NPAS3: variants seen among roughly 807,000 people sequenced by gnomAD.
The protein encoded by NPAS3 is neuronal PAS domain-containing protein 3.
A neutral mutation model predicts 73.1 loss-of-function variants in NPAS3; 14 were observed. The observed-to-expected ratio is 0.19, with a 90% CI of 0.13 to 0.30. The LOEUF is 0.30. NPAS3 is among the 10% of genes least tolerant of loss of function. The pLI, the probability that NPAS3 is intolerant of heterozygous loss-of-function variation, is 1.00. For synonymous variants in NPAS3, 620 were observed against 541.5 expected (o/e 1.14, Z -2.01); for missense variants, 1,096 against 1,250.0 (o/e 0.88, Z 1.86).
At chr14:33,399,607 G>A (rs1288846520) in intron 4 of NPAS3, among the ~76,000 whole-genome samples, 2 of 151,616 alleles carry the variant, frequency 1.3e-5, no homozygotes, top group South Asian at 2.1e-4. Flanking sequence ...CATTTACTAA[G>A]TCCTTTCTAC....
intron 3 of NPAS3, among the ~76,000 whole-genome samples, chr14:33,296,704 T>C (rs140447869): frequency 2.6e-5 from 4 of 152,354 alleles, no homozygotes; most frequent in Middle Eastern, 3.4e-3. Flanking sequence ...GTAGAAAGTT[T>C]TTCGACTCCA....
chr14:33,691,884 T>C (rs2060245685), intron 6 of NPAS3, among the ~76,000 whole-genome samples: 1 of 152,164 alleles, frequency 6.6e-6, no homozygotes, highest in Non-Finnish European at 1.5e-5. Flanking sequence ...GAGAATAAAC[T>C]CAAAAATTAT....
In NPAS3 at chr14:33,187,510, G is replaced by A. The variant is rs556476748; in HGVS notation, c.141-27672G>A. On this transcript the variant is annotated intron_variant, in intron 2 of 11. Coordinates refer to ENST00000356141, the Ensembl canonical transcript of NPAS3. ...GACTTAAAAAAAATTATGTAGGTTTGTTGTATACTTGTTTCCCTTTTTAAA... is the reference window on the plus strand; with the variant it reads ...GACTTAAAAAAAATTATGTAGGTTTATTGTATACTTGTTTCCCTTTTTAAA... Among the ~76,000 whole-genome samples, 4 of 152,154 alleles carry A rather than the reference G, an allele frequency of 2.6e-5. No individual in the cohort carries two copies. The South Asian group carries it at 8.3e-4, about 32-fold the overall frequency.
At chr14:33,788,730 C>T (rs1355412911) in intron 9 of NPAS3, among the ~76,000 whole-genome samples, 1 of 152,086 alleles carries the variant, frequency 6.6e-6, no homozygotes, top group Non-Finnish European at 1.5e-5. Context: ...CACTGGCTTC[C>T]TTTATGTCCT....
chr14:33,437,717 A>G (rs948187007), intron 4 of NPAS3, among the ~76,000 whole-genome samples: 4 of 152,222 alleles, frequency 2.6e-5, no homozygotes, highest in African/African-American at 9.6e-5. Flanking sequence ...AAATACTTGT[A>G]GCCCACATAG....
chr14:32,990,753 CTG>C (rs751262821), intron 1 of NPAS3, among the ~76,000 whole-genome samples: 1 of 151,970 alleles, frequency 6.6e-6, no homozygotes, highest in Non-Finnish European at 1.5e-5. Context: ...GAGTGAGACT[CTG>C]TGTCTACAAA....
At chr14:33,167,123 C>T (rs1440947804) in intron 2 of NPAS3, among the ~76,000 whole-genome samples, 2 of 152,148 alleles carry the variant, frequency 1.3e-5, no homozygotes, top group Admixed American at 6.5e-5. Context: ...GGTATCTACA[C>T]AGGAGGTAGA....
At chr14:33,655,954 C>T (rs897826997) in intron 5 of NPAS3, among the ~76,000 whole-genome samples, 1 of 152,140 alleles carries the variant, frequency 6.6e-6, no homozygotes, top group African/African-American at 2.4e-5. Flanking sequence ...GGGAATAACT[C>T]TTGAGGCCAT....
chr14:33,022,460 C>G (rs370827672), intron 1 of NPAS3, among the ~76,000 whole-genome samples: 1 of 151,918 alleles, frequency 6.6e-6, no homozygotes, highest in African/African-American at 2.4e-5. Flanking sequence ...GTCAGGAGAT[C>G]GAGACCATCC....
chr14:33,407,883 A>T (rs57952556), intron 4 of NPAS3, among the ~76,000 whole-genome samples: 1 of 152,088 alleles, frequency 6.6e-6, no homozygotes, highest in African/African-American at 2.4e-5. Flanking sequence ...AAATGCTTAC[A>T]GCATAGGTCG....
chr14:33,671,699 G>A (rs1050675730), intron 5 of NPAS3, among the ~76,000 whole-genome samples: 6 of 152,250 alleles, frequency 3.9e-5, no homozygotes, highest in Non-Finnish European at 4.4e-5. Context: ...GAGAGAGTAA[G>A]TAAGTTCTCT....
chr14:33,408,977 G>A (rs1446294531), intron 4 of NPAS3, among the ~76,000 whole-genome samples: 2 of 152,186 alleles, frequency 1.3e-5, no homozygotes, highest in Non-Finnish European at 2.9e-5. Flanking sequence ...AAATGCTTAA[G>A]CAATGGCAAA....
chr14:33,419,128 T>C (rs1344189985), intron 4 of NPAS3, among the ~76,000 whole-genome samples: 1 of 151,834 alleles, frequency 6.6e-6, no homozygotes, highest in Admixed American at 6.6e-5. Flanking sequence ...TAATGATAAA[T>C]AGTTTTTTTA....
At chr14:33,257,772 C>A (rs1241254447) in intron 3 of NPAS3, among the ~76,000 whole-genome samples, 1 of 152,126 alleles carries the variant, frequency 6.6e-6, no homozygotes, top group Admixed American at 6.5e-5. Context: ...CATTTCCATA[C>A]CCCCAAGAAT....
upstream of NPAS3, among the ~76,000 whole-genome samples, chr14:32,938,908 C>T (rs1233725793): frequency 6.9e-6 from 1 of 145,886 alleles, no homozygotes; most frequent in Non-Finnish European, 1.5e-5. Context: ...GCCGGGCATG[C>T]CTCGGGAGCC....
rs187705615 is a variant in NPAS3 at position 33,199,820 on chromosome 14, G to C, written c.141-15362G>C. ...TTTAATTTCAGTAGCACTACTACTG[G>C]CTGTGTTGTTTACTATTTTTAATCA... is the stretch of plus-strand genomic sequence containing the variant. On this transcript the variant is annotated intron_variant, in intron 2 of 11. Coordinates refer to ENST00000356141, the Ensembl canonical transcript of NPAS3. 3.1e-4 allele frequency among the ~76,000 whole-genome samples: 47 copies of C among 151,302 alleles called. 1 individual carries two copies. Among genetic ancestry groups the C allele is most frequent in the Admixed American group, 3.0e-3 (45 of 15,144 alleles).
intron 3 of NPAS3, among the ~76,000 whole-genome samples, chr14:33,289,743 G>C (rs189049164): frequency 6.6e-6 from 1 of 151,686 alleles, no homozygotes; most frequent in East Asian, 1.9e-4. Context: ...AATTGCTTGA[G>C]CCCAGGAGTC....
intron 2 of NPAS3, among the ~76,000 whole-genome samples, chr14:33,196,863 T>C (rs561707358): frequency 1.3e-5 from 2 of 152,216 alleles, no homozygotes; most frequent in Non-Finnish European, 2.9e-5. Context: ...ACAATTTGTA[T>C]AGATTTGCCA....
At chr14:33,378,578 G>A (rs2046403374) in intron 4 of NPAS3, among the ~76,000 whole-genome samples, 1 of 152,154 alleles carries the variant, frequency 6.6e-6, no homozygotes, top group Non-Finnish European at 1.5e-5. Context: ...AGAGACTGCA[G>A]TGAGCCAGGA....
Sources: allele counts gnomAD v4.1 joint callset (sites outside exome capture counted in the v4.1 genomes callset), GRCh38; gene constraint gnomAD v4.1.1; transcripts MANE v1.5; gene names NCBI Gene and HGNC (gene_info 2026-07-23, HGNC 2026-07-21).